Variants in THAP4 observed in about 807,000 individuals in gnomAD.
THAP4 encodes the protein THAP domain containing 4.
A neutral mutation model predicts 48.1 loss-of-function variants in THAP4; 18 were observed. The ratio of observed to expected loss-of-function variants is 0.37; its 90% CI spans 0.26 to 0.56. The LOEUF (loss-of-function observed/expected upper bound fraction) is 0.56, where lower values mean the gene tolerates loss of function less well. THAP4 is among the 20% of genes least tolerant of loss of function. The pLI is 0.78. For missense variants in THAP4, 656 were observed against 774.9 expected, an observed-to-expected ratio of 0.85 and a Z score of 1.82; for synonymous variants, 345 against 324.9, an observed-to-expected ratio of 1.06 and a Z score of -0.66.
chr2:241,620,115 GGGGTA>G (rs1201068743), intron 2 of THAP4, among the ~76,000 whole-genome samples: 2 of 104,558 alleles, frequency 1.9e-5, no homozygotes, highest in Non-Finnish European at 2.0e-5. Flanking sequence ...TGAGGGGTGA[GGGGTA>G]AGTGAGTCGG....
chr2:241,598,397 C>G (rs1312797607), intron 5 of THAP4, among the ~76,000 whole-genome samples: 1 of 152,150 alleles, frequency 6.6e-6, no homozygotes, highest in Non-Finnish European at 1.5e-5. Context: ...AACAACATAT[C>G]ATGACAACTC....
chr2:241,603,391 C>A (rs1286260300), intron 3 of THAP4, among the ~76,000 whole-genome samples: 3 of 140,732 alleles, frequency 2.1e-5, no homozygotes, highest in Non-Finnish European at 4.8e-5. Context: ...TCCAGCCACA[C>A]CCGCACACCT....
chr2:241,622,988 C>T lies in THAP4; in HGVS notation c.1240+9929G>A, dbSNP rs575795183. Among the ~76,000 whole-genome samples, 51 of 152,022 alleles carry T rather than the reference C, an allele frequency of 3.4e-4. No homozygotes were observed. The South Asian group carries it at 5.8e-3, about 17-fold the overall frequency. ...ATCCCAGCACTTTGGGAGGCCGAGG[C>T]GGGCGGATCACAATGTCAGGAGATC... On this transcript the variant is annotated intron_variant, in intron 2 of 5. Transcript: ENST00000407315.
chr2:241,586,734 G>A (rs2066900686), intron 5 of THAP4, among the ~76,000 whole-genome samples: 1 of 152,068 alleles, frequency 6.6e-6, no homozygotes, highest in African/African-American at 2.4e-5. Context: ...TAATGAAATA[G>A]ACAAATTAGA....
At chr2:241,637,488 G>A (rs950468463), upstream of THAP4, 6 of 1,449,460 alleles carry the variant, frequency 4.1e-6, no homozygotes, top group African/African-American at 3.0e-5. Context: ...AGAACCAGCC[G>A]TCGTCCCACG....
intron 2 of THAP4, among the ~76,000 whole-genome samples, chr2:241,630,216 G>A (rs943100306): frequency 3.3e-5 from 5 of 152,214 alleles, no homozygotes; most frequent in Admixed American, 2.0e-4. Context: ...AATTACAAAC[G>A]ACTCAGAAAT....
Position 241,610,249 on chromosome 2 carries a change from G to A in THAP4, c.1241-3776C>T, listed in dbSNP as rs1408911796. ...CGCCGCAAGTCCTGCCTCTGCTCCC[G>A]GGCGGCCCCCTCCAGCCTCCGCCGG... On this transcript the variant is annotated intron_variant, in intron 2 of 5. Coordinates refer to ENST00000407315, the MANE Select transcript of THAP4 (RefSeq NM_015963.6). This position sits in a 1 kb window ranked among gnomAD's most constrained non-coding sequence, Gnocchi z 4.2. 1.3e-5 allele frequency among the ~76,000 whole-genome samples: 2 copies of A among 152,166 alleles called. No individual in the cohort carries two copies. Among genetic ancestry groups the A allele is most frequent in the South Asian group, 4.1e-4 (2 of 4,836 alleles).
rs781149882 is a variant in THAP4, at chr2:241,633,518, C to G, written c.639G>C (p.Lys213Asn). The G allele has an allele frequency of 1.2e-6, 2 of 1,614,054 alleles. No homozygotes were observed. The highest frequency in any genetic ancestry group is 2.7e-5 in the African/African-American group (2 of 74,934). Residue 213 changes from lysine to asparagine, a missense_variant, in exon 2 of 6, where the codon AAG becomes AAC. By Grantham distance (94) the Lys-to-Asn change is moderately conservative. Transcript: ENST00000407315. This position sits in a 1 kb window ranked among gnomAD's most constrained non-coding sequence, Gnocchi z 7.5. ...TAAAGTCATCCATAGAAATGCCACTCTTATCTGTCACGCCCCCTTCGATGG... is the reference window on the plus strand; with the variant it reads ...TAAAGTCATCCATAGAAATGCCACTGTTATCTGTCACGCCCCCTTCGATGG... ...TSSIEGGVTDKSGISMDDFTP... is the reference protein window; with the variant it reads ...TSSIEGGVTDNSGISMDDFTP...
chr2:241,586,633 G>C (rs1254441207), intron 5 of THAP4, among the ~76,000 whole-genome samples: 1 of 152,114 alleles, frequency 6.6e-6, no homozygotes, highest in African/African-American at 2.4e-5. Context: ...AGACAATATG[G>C]AGAATTTCTG....
chr2:241,615,724 A>G (rs959007787), intron 2 of THAP4, among the ~76,000 whole-genome samples: 4 of 152,238 alleles, frequency 2.6e-5, no homozygotes, highest in Non-Finnish European at 4.4e-5. Context: ...AGCCACACAC[A>G]GCGCCCTGCC....
rs535635954 is a variant in THAP4, at chr2:241,584,818, C to T, written c.1615-93G>A. The T allele has an allele frequency of 7.2e-5, 110 of 1,519,472 alleles. No individual in the cohort carries two copies. The East Asian group carries it at 1.6e-3, about 22-fold the overall frequency. 94.1% of individuals were successfully genotyped at this position (1,519,472 alleles called of 1,614,324 possible). A position where few individuals can be genotyped will look rare whatever the true frequency, so the allele number is the denominator to read the frequency against. Reference sequence around the variant, plus strand: ...CCCACTGCATGCCACACACTCATCACGGGCTGTGAGCCAGGCAGTGGCCCT... The same window carrying T: ...CCCACTGCATGCCACACACTCATCATGGGCTGTGAGCCAGGCAGTGGCCCT... On this transcript the variant is annotated intron_variant, in intron 5 of 5. Transcript: ENST00000407315.
intron 1 of THAP4, 82 bp from the exon 2 acceptor site, chr2:241,634,161 A>G: frequency 6.4e-6 from 7 of 1,091,026 alleles, no homozygotes; most frequent in Non-Finnish European, 9.2e-6. Flanking sequence ...CAAAACAAGT[A>G]TTTTTGCACG....
intron 2 of THAP4, among the ~76,000 whole-genome samples, chr2:241,611,041 A>G (rs376590656): frequency 3.1e-4 from 47 of 152,322 alleles, no homozygotes; most frequent in African/African-American, 1.1e-3. Flanking sequence ...CTTTTCCCTG[A>G]ACTTGATTTT....
At chr2:241,628,610 C>T (rs568852058) in intron 2 of THAP4, among the ~76,000 whole-genome samples, 31 of 151,936 alleles carry the variant, frequency 2.0e-4, no homozygotes, top group East Asian at 1.5e-3. Context: ...TCGCCATCTA[C>T]CCTGGGACTG....
At chr2:241,587,951 T>G (rs941758744) in intron 5 of THAP4, among the ~76,000 whole-genome samples, 1 of 144,254 alleles carries the variant, frequency 6.9e-6, no homozygotes, top group African/African-American at 2.6e-5. Context: ...GAATAGCCAC[T>G]CTACTCCAGC....
At chr2:241,635,494 C>G (rs1403644783) in intron 1 of THAP4, among the ~76,000 whole-genome samples, 1 of 152,204 alleles carries the variant, frequency 6.6e-6, no homozygotes, top group African/African-American at 2.4e-5. Context: ...GTGGCTTATG[C>G]CTGTAATCCC....
rs1016947941 is a variant in THAP4 at position 241,636,874 on chromosome 2, C to G, written c.77+67G>C. 12 of 960,922 alleles carry G rather than the reference C, an allele frequency of 1.2e-5. No homozygotes were observed. In the African/African-American group the frequency reaches 2.0e-4, roughly 16 times the overall value. 59.5% of individuals were successfully genotyped at this position (960,922 alleles called of 1,614,324 possible). The stretch of plus-strand genomic sequence containing the variant: ...CCCCGCCCCCCGCGTTCGGGCCGGC[C>G]GCGGGGCCTCAGTTTCCCCGCAGGG... On this transcript the variant is annotated intron_variant, in intron 1 of 5. Transcript: ENST00000407315.
chr2:241,607,281 C>T (rs1044032707), intron 2 of THAP4, among the ~76,000 whole-genome samples: 2 of 152,044 alleles, frequency 1.3e-5, no homozygotes, highest in Non-Finnish European at 2.9e-5. Context: ...TCAAAGGGAC[C>T]CCTGCTTCCT....
chr2:241,608,307 G>A (rs1228492133), intron 2 of THAP4, among the ~76,000 whole-genome samples: 1 of 152,212 alleles, frequency 6.6e-6, no homozygotes, highest in Non-Finnish European at 1.5e-5. Flanking sequence ...GGCAAACATA[G>A]GTGACCTGAA....
Sources: gnomAD v4.1 joint callset for allele counts (sites outside exome capture counted in the v4.1 genomes callset) on GRCh38, gnomAD v4.1.1 for gene constraint, Gnocchi (gnomAD v3.1) non-coding constraint, MANE v1.5 for transcripts, NCBI Gene and HGNC (gene_info 2026-07-23, HGNC 2026-07-21) for gene names.